Variants in NUTM2B observed in about 807,000 individuals in gnomAD.
NUTM2B encodes family with sequence similarity 22, member B.
A neutral mutation model predicts 42.4 loss-of-function variants in NUTM2B; 2 were observed. The observed-to-expected ratio is 0.05, with a 90% CI of 0.02 to 0.15. The LOEUF is 0.15. Ranked by LOEUF, NUTM2B falls within the 10% of genes least tolerant of loss-of-function variation. The pLI, the probability that NUTM2B is intolerant of heterozygous loss-of-function variation, is 1.00. For missense variants in NUTM2B, 58 were observed against 952.6 expected (o/e 0.06, Z 12.36); for synonymous variants, 18 against 402.4 (o/e 0.04, Z 11.43).
At chr10:79,700,792 G>T (rs2983788), upstream of NUTM2B, among the ~76,000 whole-genome samples, 1 of 152,132 alleles carries the variant, frequency 6.6e-6, no homozygotes, top group African/African-American at 2.4e-5. Flanking sequence ...CTGGAACCTC[G>T]CCCGCCTCAA....
the NUTM2B span, among the ~76,000 whole-genome samples, chr10:79,694,030 T>C: frequency 6.6e-6 from 1 of 152,154 alleles, no homozygotes; most frequent in East Asian, 1.9e-4. Flanking sequence ...GACACCTCCA[T>C]CACGTGGCTC....
intron 3 of NUTM2B, 52 bp from the exon 4 acceptor site, chr10:79,709,748 G>A (rs1840455739): frequency 1.3e-5 from 7 of 528,582 alleles, no homozygotes; most frequent in East Asian, 7.5e-5. Flanking sequence ...CTGGTCCTGC[G>A]GGGAGGGGGC....
chr10:79,700,274 C>T (rs1818106268), upstream of NUTM2B, among the ~76,000 whole-genome samples: 2 of 152,396 alleles, frequency 1.3e-5, no homozygotes, highest in South Asian at 4.1e-4. Flanking sequence ...TCAATGAGGT[C>T]GTCCGTGAGA....
upstream of NUTM2B, among the ~76,000 whole-genome samples, chr10:79,699,426 C>CA (rs1290000159): frequency 6.6e-6 from 1 of 151,936 alleles, no homozygotes; most frequent in African/African-American, 2.4e-5. Flanking sequence ...CACACTCTCA[C>CA]AAAAACAGTT....
chr10:79,705,070 C>T (rs1589262244), intron 1 of NUTM2B, among the ~76,000 whole-genome samples: 1 of 140,170 alleles, frequency 7.1e-6, no homozygotes, highest in Non-Finnish European at 1.5e-5. Context: ...CCTCACCCGG[C>T]CCATGGCCCA....
the NUTM2B span, among the ~76,000 whole-genome samples, chr10:79,694,920 A>C: frequency 6.6e-6 from 1 of 152,056 alleles, no homozygotes; most frequent in African/African-American, 2.4e-5. Flanking sequence ...GCCAAGGTGC[A>C]ACTAAGACCT....
the NUTM2B span, among the ~76,000 whole-genome samples, chr10:79,696,378 G>A: frequency 3.3e-5 from 5 of 151,956 alleles, no homozygotes; most frequent in East Asian, 2.0e-4. Flanking sequence ...TCCTTTCATA[G>A]GAATATGTGT....
upstream of NUTM2B, among the ~76,000 whole-genome samples, chr10:79,701,511 T>C (rs1285167429): frequency 6.6e-6 from 1 of 151,994 alleles, no homozygotes; most frequent in Non-Finnish European, 1.5e-5. Context: ...ATTCCTATCA[T>C]CTGTCTCCAC....
chr10:79,692,538 C>T, the NUTM2B span, among the ~76,000 whole-genome samples: 1 of 152,144 alleles, frequency 6.6e-6, no homozygotes, highest in African/African-American at 2.4e-5. Flanking sequence ...GTGCTGAGTG[C>T]AGAGAAGACA....
In NUTM2B at chr10:79,709,690, G is replaced by T. The variant is rs1233358242; in HGVS notation, c.1212-110G>T. ...GGGGATGGGACACAGTGAGGGCCTGGACAGCCCACCCGAGGCACTCCCTCC... is the reference window on the plus strand; with the variant it reads ...GGGGATGGGACACAGTGAGGGCCTGTACAGCCCACCCGAGGCACTCCCTCC... On this transcript the variant is annotated intron_variant, in intron 3 of 6. Coordinates refer to ENST00000429828, the Ensembl canonical transcript of NUTM2B. 40 of 1,110,860 alleles carry T rather than the reference G, an allele frequency of 3.6e-5. No homozygotes were observed. In the African/African-American group the frequency reaches 6.1e-4, roughly 17 times the overall value. The allele number at this position is 1,110,860 out of a possible 1,614,324, so 68.8% of individuals were successfully genotyped here.
At chr10:79,700,550 G>C (rs1480523893), upstream of NUTM2B, among the ~76,000 whole-genome samples, 1 of 152,228 alleles carries the variant, frequency 6.6e-6, no homozygotes, top group South Asian at 2.1e-4. Flanking sequence ...CCACAGGCCT[G>C]CTCTGGTCAC....
the NUTM2B span, among the ~76,000 whole-genome samples, chr10:79,692,884 T>C: frequency 2.0e-5 from 3 of 152,294 alleles, no homozygotes; most frequent in East Asian, 1.9e-4. Context: ...CAAAGGATGG[T>C]TGAATAAAGT....
chr10:79,699,259 T>TCTGC (rs1589259805), upstream of NUTM2B, among the ~76,000 whole-genome samples: 1 of 151,710 alleles, frequency 6.6e-6, no homozygotes, highest in African/African-American at 2.4e-5. Flanking sequence ...TTCTTCCAAA[T>TCTGC]CTGCCAAACA....
the NUTM2B span, among the ~76,000 whole-genome samples, chr10:79,694,653 C>T: frequency 3.3e-5 from 5 of 152,290 alleles, no homozygotes; most frequent in African/African-American, 9.6e-5. Context: ...GCTTCGCCCA[C>T]ACCTGCAGGG....
the NUTM2B span, among the ~76,000 whole-genome samples, chr10:79,696,539 T>A: frequency 6.6e-6 from 1 of 151,506 alleles, no homozygotes; most frequent in Non-Finnish European, 1.5e-5. Context: ...ATAGCCTCCA[T>A]TAAAGGAGAA....
upstream of NUTM2B, among the ~76,000 whole-genome samples, chr10:79,699,908 C>T (rs1471999390): frequency 6.6e-6 from 1 of 152,234 alleles, no homozygotes; most frequent in Non-Finnish European, 1.5e-5. Flanking sequence ...ATCTCACACC[C>T]TCCAAAATCC....
chr10:79,693,210 C>CA, the NUTM2B span, among the ~76,000 whole-genome samples: 1 of 152,226 alleles, frequency 6.6e-6, no homozygotes, highest in Admixed American at 6.5e-5. Context: ...CCTTTGACCC[C>CA]AGGCTCCTGC....
the NUTM2B span, among the ~76,000 whole-genome samples, chr10:79,693,111 T>C: frequency 6.6e-6 from 1 of 152,286 alleles, no homozygotes; most frequent in Admixed American, 6.5e-5. Flanking sequence ...CTCTCCCTGC[T>C]CTGTTCCTAG....
chr10:79,702,567 A>T (rs1226810658), upstream of NUTM2B, among the ~76,000 whole-genome samples: 1 of 151,212 alleles, frequency 6.6e-6, no homozygotes. Context: ...TGTCTTCAAA[A>T]GGGGCAAATG....
Sources: gnomAD v4.1 joint callset for allele counts (sites outside exome capture counted in the v4.1 genomes callset) on GRCh38, gnomAD v4.1.1 for gene constraint, MANE v1.5 for transcripts, NCBI Gene and HGNC (gene_info 2026-07-23, HGNC 2026-07-21) for gene names.